CFAP210: variants seen among roughly 807,000 people sequenced by gnomAD.
CFAP210 encodes cilia- and flagella- associated protein 210.
At chr2:169,681,110 C>A in the CFAP210 span, 1 of 1,613,882 alleles carries the variant, frequency 6.2e-7, no homozygotes, top group Non-Finnish European at 8.5e-7. Flanking sequence ...TCTTGTCAAC[C>A]TGTCAAGGCT....
chr2:169,687,492 A>C, the CFAP210 span, among the ~76,000 whole-genome samples: 2 of 149,008 alleles, frequency 1.3e-5, no homozygotes, highest in Non-Finnish European at 3.0e-5. Context: ...TGCAGGACCC[A>C]TGCAAGTCCA....
chr2:169,692,105 C>A, the CFAP210 span, among the ~76,000 whole-genome samples: 1 of 152,152 alleles, frequency 6.6e-6, no homozygotes, highest in Non-Finnish European at 1.5e-5. Flanking sequence ...ATATACATAG[C>A]TCTATGCATG....
the CFAP210 span, among the ~76,000 whole-genome samples, chr2:169,677,377 T>C: frequency 7.4e-4 from 112 of 152,356 alleles, 1 homozygote; most frequent in Non-Finnish European, 9.4e-4. Flanking sequence ...TGGGGTTTTA[T>C]CTTAGGAATG....
chr2:169,681,176 A>G, the CFAP210 span: 4 of 1,613,908 alleles, frequency 2.5e-6, no homozygotes, highest in Non-Finnish European at 3.4e-6. Flanking sequence ...CTGGAGATCT[A>G]CTTTGCTAGG....
At chr2:169,687,684 G>A in the CFAP210 span, among the ~76,000 whole-genome samples, 4 of 152,162 alleles carry the variant, frequency 2.6e-5, no homozygotes, top group Admixed American at 1.3e-4. Flanking sequence ...GAGTGTCTGC[G>A]GCTTTTCCAG....
the CFAP210 span, among the ~76,000 whole-genome samples, chr2:169,674,054 G>T: frequency 1.3e-5 from 2 of 152,082 alleles, no homozygotes; most frequent in Non-Finnish European, 2.9e-5. Flanking sequence ...TGGCCATGTG[G>T]TTGCTTTAGA....
At chr2:169,692,206 T>C in the CFAP210 span, among the ~76,000 whole-genome samples, 1 of 152,172 alleles carries the variant, frequency 6.6e-6, no homozygotes, top group African/African-American at 2.4e-5. Flanking sequence ...TTTTAAGATT[T>C]TCGGTCAGCT....
At chr2:169,674,530 A>AT in the CFAP210 span, 6 of 1,435,586 alleles carry the variant, frequency 4.2e-6, no homozygotes, top group Non-Finnish European at 5.6e-6. Context: ...TACATCCATT[A>AT]TGAGAAAACG....
chr2:169,661,952 G>A, the CFAP210 span, among the ~76,000 whole-genome samples: 1 of 152,184 alleles, frequency 6.6e-6, no homozygotes, highest in East Asian at 1.9e-4. Context: ...GTAAGGATGT[G>A]GAGACACAGT....
chr2:169,673,697 T>C, the CFAP210 span, among the ~76,000 whole-genome samples: 1 of 152,172 alleles, frequency 6.6e-6, no homozygotes, highest in African/African-American at 2.4e-5. Context: ...AAAAAGTCTG[T>C]GTCGCCAGAT....
chr2:169,651,941 G>T, the CFAP210 span, among the ~76,000 whole-genome samples: 3 of 151,020 alleles, frequency 2.0e-5, no homozygotes, highest in Non-Finnish European at 4.4e-5. Flanking sequence ...CAAACTCCTG[G>T]CCTCAAGCAA....
At chr2:169,649,944 A>G in the CFAP210 span, among the ~76,000 whole-genome samples, 432 of 152,182 alleles carry the variant, frequency 2.8e-3, no homozygotes, top group Non-Finnish European at 5.1e-3. Context: ...AATTGCTCCA[A>G]TGTGTATAAA....
the CFAP210 span, among the ~76,000 whole-genome samples, chr2:169,689,448 T>C: frequency 2.6e-5 from 4 of 152,234 alleles, no homozygotes; most frequent in African/African-American, 9.6e-5. Flanking sequence ...TGTACAGAAA[T>C]ACCATTTTGT....
At chr2:169,660,617 T>A in the CFAP210 span, among the ~76,000 whole-genome samples, 1 of 143,862 alleles carries the variant, frequency 7.0e-6, no homozygotes, top group Non-Finnish European at 1.5e-5. Flanking sequence ...TTTTTTTTTT[T>A]CTTTGAGACA....
At chr2:169,666,388 T>C in the CFAP210 span, among the ~76,000 whole-genome samples, 1 of 151,280 alleles carries the variant, frequency 6.6e-6, no homozygotes, top group African/African-American at 2.4e-5. Context: ...ACCTCAGAGA[T>C]ATTGTGGGCT....
the CFAP210 span, among the ~76,000 whole-genome samples, chr2:169,665,421 A>G: frequency 6.6e-6 from 1 of 152,004 alleles, no homozygotes; most frequent in African/African-American, 2.4e-5. Flanking sequence ...CTTCTGCCTC[A>G]GGCTCCCAAG....
chr2:169,668,816 T>C, the CFAP210 span, among the ~76,000 whole-genome samples: 1 of 152,116 alleles, frequency 6.6e-6, no homozygotes, highest in Non-Finnish European at 1.5e-5. Flanking sequence ...TGATCACAGA[T>C]CACCATAATA....
the CFAP210 span, among the ~76,000 whole-genome samples, chr2:169,659,539 C>T: frequency 6.6e-6 from 1 of 152,284 alleles, no homozygotes; most frequent in South Asian, 2.1e-4. Context: ...ACTCACAAGA[C>T]AGCACTAGGA....
the CFAP210 span, chr2:169,681,073 T>C: frequency 3.8e-5 from 61 of 1,613,920 alleles, no homozygotes; most frequent in Non-Finnish European, 5.2e-5. Context: ...TCTTTGCCTT[T>C]CTTTCTGCAC....
Sources: gnomAD v4.1 joint callset for allele counts (sites outside exome capture counted in the v4.1 genomes callset) on GRCh38, gnomAD v4.1.1 for gene constraint, MANE v1.5 for transcripts, NCBI Gene and HGNC (gene_info 2026-07-23, HGNC 2026-07-21) for gene names.